DISC1: variants seen among roughly 807,000 people sequenced by gnomAD.
DISC1 encodes the protein DISC1 scaffold protein.
A neutral mutation model predicts 84.5 loss-of-function variants in DISC1; 57 were observed. The ratio of observed to expected loss-of-function variants is 0.67; its 90% CI spans 0.55 to 0.84. DISC1 has a LOEUF of 0.84. DISC1 is among the 40% of genes least tolerant of loss of function. The probability of loss-of-function intolerance (pLI) is 0.00; values close to 1 mark genes in which losing one functional copy is unlikely to be tolerated. For missense variants in DISC1, 1,000 were observed against 1,057.8 expected (o/e 0.95, Z 0.76); for synonymous variants, 411 against 415.2 (o/e 0.99, Z 0.12).
rs1384381539 is a variant in DISC1, at chr1:231,698,218, AG to A, written c.1047+3415del. ...CAGGAACCTACCCTGTATTTCTCTT[AG>A]GAGCAATGCTTCATTATTCCCTAAT... On this transcript the variant is annotated intron_variant, in intron 2 of 12. Coordinates refer to ENST00000439617, the MANE Select transcript of DISC1 (RefSeq NM_018662.3). The surrounding 1 kb of genome is among the most constrained non-coding windows in gnomAD (Gnocchi z 4.9). 6.6e-6 allele frequency among the ~76,000 whole-genome samples: 1 copy of A among 152,234 alleles called. No homozygotes were observed.
At chr1:232,030,588 G>A (rs2103055596) in intron 12 of DISC1, among the ~76,000 whole-genome samples, 1 of 152,262 alleles carries the variant, frequency 6.6e-6, no homozygotes, top group South Asian at 2.1e-4. Flanking sequence ...TAGTTTTGGT[G>A]GTGCTTGAGG....
In DISC1 at chr1:231,781,096, A is replaced by G. The variant is rs371499187; in HGVS notation, c.1634+10026A>G. Among the ~76,000 whole-genome samples the G allele has an allele frequency of 7.3e-5, 11 of 150,604 alleles. No individual in the cohort carries two copies. In the South Asian group the frequency reaches 1.9e-3, roughly 26 times the overall value. ...AGTGGGTTCAGCGCACCAGCATGGC[A>G]CATGTATATATATGTAACTAACCTG... is the stretch of plus-strand genomic sequence containing the variant. On this transcript the variant is annotated intron_variant, in intron 6 of 12. Transcript: ENST00000439617.
At chr1:231,673,477 G>A (rs545694916) in intron 1 of DISC1, among the ~76,000 whole-genome samples, 8 of 152,218 alleles carry the variant, frequency 5.3e-5, no homozygotes, top group South Asian at 2.1e-4. Flanking sequence ...ATAGGTAGGC[G>A]CCACCACATC....
At chr1:231,631,780 A>T (rs1466350048) in intron 1 of DISC1, among the ~76,000 whole-genome samples, 2 of 152,064 alleles carry the variant, frequency 1.3e-5, no homozygotes, top group South Asian at 2.1e-4. Context: ...AAGTAAAAAA[A>T]GTTATGGTAC....
intron 12 of DISC1, among the ~76,000 whole-genome samples, chr1:232,032,770 T>G (rs1670175827): frequency 6.6e-6 from 1 of 152,236 alleles, no homozygotes; most frequent in Non-Finnish European, 1.5e-5. Flanking sequence ...GCCTAAATTG[T>G]CAATAGTTTT....
intron 9 of DISC1, among the ~76,000 whole-genome samples, chr1:231,831,122 T>C (rs1490991977): frequency 1.3e-5 from 2 of 152,208 alleles, no homozygotes; most frequent in East Asian, 3.9e-4. Context: ...AAGAGGTATT[T>C]TAATTTTCTG....
chr1:232,017,479 C>G (rs7546231), intron 11 of DISC1, among the ~76,000 whole-genome samples: 3,868 of 124,644 alleles, frequency 0.031, 138 homozygotes, highest in African/African-American at 0.1. Context: ...GAACACCTGT[C>G]CTTTTTTTTT....
rs763163271 is a variant in DISC1 at position 231,694,660 on chromosome 1, C to G, written c.902C>G (p.Ser301Cys). The G allele has an allele frequency of 6.2e-7, 1 of 1,614,254 alleles. No individual in the cohort carries two copies. Among genetic ancestry groups the G allele is most frequent in the South Asian group, 1.1e-5 (1 of 91,086 alleles). Residue 301 changes from serine to cysteine, a missense_variant, in exon 2 of 13, where the codon TCC becomes TGC. By Grantham distance (112) the Ser-to-Cys change is moderately radical. This residue lies in a region of DISC1 where 311 missense variants were observed against 400.1 expected (regional missense o/e 0.78). Coordinates refer to ENST00000439617, the MANE Select transcript of DISC1 (RefSeq NM_018662.3). The stretch of plus-strand genomic sequence containing the variant: ...TCTTTACCAGACATGGACCCTGGCT[C>G]CTCCAGTTCTCTGGATCCCTCACTG... ...MHSLPDMDPG[S>C]SSSLDPSLAG...
chr1:231,782,775 C>CA (rs968088825), intron 6 of DISC1, among the ~76,000 whole-genome samples: 85 of 149,476 alleles, frequency 5.7e-4, no homozygotes, highest in Admixed American at 1.7e-3. Context: ...CCGTCTCTAC[C>CA]AAAAAAAAAT....
chr1:231,976,282 C>T (rs1662783486), intron 10 of DISC1, among the ~76,000 whole-genome samples: 1 of 152,190 alleles, frequency 6.6e-6, no homozygotes, highest in South Asian at 2.1e-4. Flanking sequence ...CTGATTATTT[C>T]ATAGCCTCTG....
chr1:231,728,169 T>C (rs1395003665), intron 3 of DISC1, among the ~76,000 whole-genome samples: 2 of 152,170 alleles, frequency 1.3e-5, no homozygotes, highest in Admixed American at 6.5e-5. Context: ...ATTTTATTCC[T>C]CTTTAGAGGT....
intron 9 of DISC1, among the ~76,000 whole-genome samples, chr1:231,931,833 T>A (rs185224974): frequency 6.6e-6 from 1 of 152,128 alleles, no homozygotes; most frequent in Admixed American, 6.5e-5. Context: ...AATTTTTTTT[T>A]TATAGACAAG....
intron 10 of DISC1, among the ~76,000 whole-genome samples, chr1:232,001,635 G>A (rs1159159579): frequency 6.6e-6 from 1 of 152,088 alleles, no homozygotes; most frequent in South Asian, 2.1e-4. Flanking sequence ...ATTCAGTGAA[G>A]GAACAATAGA....
intron 3 of DISC1, among the ~76,000 whole-genome samples, chr1:231,704,647 C>T (rs2066810114): frequency 6.6e-6 from 1 of 150,910 alleles, no homozygotes; most frequent in Admixed American, 6.6e-5. Flanking sequence ...GTAGTCCCAG[C>T]TACTCGGGAG....
chr1:231,946,300 T>G (rs538361236), intron 9 of DISC1, among the ~76,000 whole-genome samples: 141 of 152,186 alleles, frequency 9.3e-4, no homozygotes, highest in African/African-American at 3.2e-3. Flanking sequence ...TGCAAGGCTG[T>G]TTCAACATAT....
intron 1 of DISC1, among the ~76,000 whole-genome samples, chr1:231,643,446 C>G (rs116378697): frequency 6.6e-6 from 1 of 152,294 alleles, no homozygotes; most frequent in African/African-American, 2.4e-5. Context: ...GGGCCTTCCC[C>G]GGGACGCTGA....
intron 6 of DISC1, among the ~76,000 whole-genome samples, chr1:231,792,650 C>CA (rs1386851670): frequency 6.6e-6 from 1 of 152,218 alleles, no homozygotes; most frequent in African/African-American, 2.4e-5. Context: ...AGGCATTAGC[C>CA]ACCCAAAGCT....
chr1:231,759,551 A>AAAAAAAAAAAAC (rs2075457158), intron 4 of DISC1, among the ~76,000 whole-genome samples: 1 of 139,658 alleles, frequency 7.2e-6, no homozygotes, highest in Non-Finnish European at 1.5e-5. Flanking sequence ...AAAAAAAAAA[A>AAAAAAAAAAAAC]CAAAACTAGC....
intron 9 of DISC1, among the ~76,000 whole-genome samples, chr1:231,926,675 A>T (rs1308046432): frequency 6.6e-6 from 1 of 152,172 alleles, no homozygotes; most frequent in Non-Finnish European, 1.5e-5. Flanking sequence ...GAAAGGGAGG[A>T]TGAGGCAGTA....
Sources: gnomAD v4.1 joint callset for allele counts (sites outside exome capture counted in the v4.1 genomes callset) on GRCh38, gnomAD v4.1.1 for gene constraint, gnomAD v4.1.1 regional missense constraint, Gnocchi (gnomAD v3.1) non-coding constraint, MANE v1.5 for transcripts, NCBI Gene and HGNC (gene_info 2026-07-23, HGNC 2026-07-21) for gene names.